Variants in TBRG1 observed in about 807,000 individuals in gnomAD.
TBRG1 encodes the protein nuclear interactor of ARF and MDM2.
TBRG1 carries 31 observed loss-of-function variants against 44.0 expected under a neutral mutation model. The ratio of observed to expected loss-of-function variants is 0.70; its 90% CI spans 0.53 to 0.95. TBRG1 has a LOEUF of 0.95. Ranked by LOEUF, TBRG1 falls within the 40% of genes least tolerant of loss-of-function variation. The pLI, the probability that TBRG1 is intolerant of heterozygous loss-of-function variation, is 0.00. For synonymous variants in TBRG1, 171 were observed against 188.1 expected, an observed-to-expected ratio of 0.91 and a Z score of 0.74; for missense variants, 487 against 496.1, an observed-to-expected ratio of 0.98 and a Z score of 0.18.
At position 124,625,833 on chromosome 11, in the gene TBRG1, T is replaced by A; in HGVS notation, c.384T>A (p.Ala128=). The change falls in exon 3 of 9, where the codon GCT becomes GCA. Residue 128 remains alanine, a synonymous_variant. Coordinates refer to ENST00000441174, the MANE Select transcript of TBRG1 (RefSeq NM_032811.3). ...CTATTTCAGGGCCCAGCACTGGGGC[T>A]GAGGAACCATTTGGGAAGAAAACTA... ...AGPISGPSTG[A]EEPFGKKTKK... 1 of 1,580,300 alleles carries A rather than the reference T, an allele frequency of 6.3e-7. No homozygotes were observed. Among genetic ancestry groups the A allele is most frequent in the Non-Finnish European group, 8.6e-7 (1 of 1,164,330 alleles).
intron 5 of TBRG1, among the ~76,000 whole-genome samples, chr11:124,628,015 G>A (rs1942508974): frequency 6.9e-6 from 1 of 144,478 alleles, no homozygotes; most frequent in Non-Finnish European, 1.5e-5. Context: ...AGGTGTGTGA[G>A]CTAGGAATCT....
chr11:124,630,667 C>G, intron 6 of TBRG1, 78 bp from the exon 7 acceptor site: 1 of 1,138,894 alleles, frequency 8.8e-7, no homozygotes, highest in Non-Finnish European at 1.3e-6. Context: ...CCTGTTTGTT[C>G]ATACCACTAT....
At chr11:124,629,460 A>T (rs1942563508) in intron 5 of TBRG1, among the ~76,000 whole-genome samples, 1 of 152,256 alleles carries the variant, frequency 6.6e-6, no homozygotes. Flanking sequence ...ATTGGTTGAA[A>T]TAAGAAAACC....
intron 5 of TBRG1, among the ~76,000 whole-genome samples, chr11:124,628,122 C>T (rs1428958272): frequency 6.5e-4 from 76 of 117,558 alleles, no homozygotes; most frequent in Admixed American, 8.2e-4. Flanking sequence ...TATATACACA[C>T]ACACACACAC....
chr11:124,629,289 A>G (rs1399749276), intron 5 of TBRG1, among the ~76,000 whole-genome samples: 2 of 152,148 alleles, frequency 1.3e-5, no homozygotes, highest in African/African-American at 2.4e-5. Flanking sequence ...CAGTGAGCCA[A>G]GATCACGCCA....
intron 1 of TBRG1, among the ~76,000 whole-genome samples, chr11:124,624,363 CAAAAAA>C (rs61352898): frequency 0.01 from 876 of 83,612 alleles, 2 homozygotes; most frequent in Non-Finnish European, 0.016. Flanking sequence ...TCATCATTTA[CAAAAAA>C]AAAAAAAAAA....
chr11:124,630,700 T>C lies in TBRG1; in HGVS notation c.837-45T>C, dbSNP rs372772691. ...TATTCTGTTCTTAAATCCATCTTCATCTCCCGCTAAGCTCTCAAACTAAAA... is the reference window on the plus strand; with the variant it reads ...TATTCTGTTCTTAAATCCATCTTCACCTCCCGCTAAGCTCTCAAACTAAAA... On this transcript the variant is annotated intron_variant, in intron 6 of 8. Coordinates refer to ENST00000441174, the MANE Select transcript of TBRG1 (RefSeq NM_032811.3). 9 of 1,372,774 alleles carry C rather than the reference T, an allele frequency of 6.6e-6. No individual in the cohort carries two copies. In the African/African-American group the frequency reaches 1.3e-4, roughly 20 times the overall value. The allele number at this position is 1,372,774 out of a possible 1,614,324, so 85.0% of individuals were successfully genotyped here.
Position 124,625,710 on chromosome 11 carries a change from T to C in TBRG1, c.261T>C (p.Thr87=). 1.9e-6 allele frequency: 3 copies of C among 1,554,166 alleles called. No homozygotes were observed. The highest frequency in any genetic ancestry group is 2.6e-6 in the Non-Finnish European group (3 of 1,148,038). Residue 87 remains threonine (T), a synonymous_variant, in exon 3 of 9, where the codon ACT becomes ACC. Coordinates refer to ENST00000441174, the MANE Select transcript of TBRG1 (RefSeq NM_032811.3). ...AGCTCCTCCAGCTTCAGGCTCTAAC[T>C]GAAGGGGAAGTACAGGCTGCAGCTC... The part of the protein sequence containing the change: ...LKKLLQLQAL[T]EGEVQAAAPS...
Position 124,632,033 on chromosome 11 carries a change from C to A in TBRG1, c.1091-60C>A, listed in dbSNP as rs191255583. ...ATTGAAAGGACATGTATATGTCTGACCAAAACAGTCTGCCCAGACTCCCGA... is the reference window on the plus strand; with the variant it reads ...ATTGAAAGGACATGTATATGTCTGAACAAAACAGTCTGCCCAGACTCCCGA... On this transcript the variant is annotated intron_variant, in intron 8 of 8. Coordinates refer to ENST00000441174, the MANE Select transcript of TBRG1 (RefSeq NM_032811.3). 7.8e-5 allele frequency: 119 copies of A among 1,528,818 alleles called. No individual in the cohort carries two copies. In the African/African-American group the frequency reaches 1.2e-3, roughly 15 times the overall value. The allele number at this position is 1,528,818 out of a possible 1,614,324, so 94.7% of individuals were successfully genotyped here. A position where few individuals can be genotyped will look rare whatever the true frequency, so the allele number is the denominator to read the frequency against.
chr11:124,632,268 T>G lies in TBRG1; in HGVS notation c.*30T>G. On this transcript the variant is annotated 3_prime_UTR_variant, in exon 9 of 9. Transcript: ENST00000441174. ...GAAGGGATCAGATGCCACATCGTTT[T>G]TGTCGTGATTAATTTAACTTAAACT... is the stretch of plus-strand genomic sequence containing the variant. The G allele has an allele frequency of 6.2e-7, 1 of 1,600,352 alleles. No individual in the cohort carries two copies. Among genetic ancestry groups the G allele is most frequent in the Non-Finnish European group, 8.5e-7 (1 of 1,173,202 alleles).
At position 124,626,358 on chromosome 11, in the gene TBRG1, G is replaced by A; in HGVS notation, c.455-115G>A. ...GGCGAAAGCCCCATATGCCCATTCA[G>A]TAAGTATATAAAACCAGGATTGGCT... On this transcript the variant is annotated intron_variant, in intron 3 of 8. Coordinates refer to ENST00000441174, the MANE Select transcript of TBRG1 (RefSeq NM_032811.3). 3 of 970,078 alleles carry A rather than the reference G, an allele frequency of 3.1e-6. No individual in the cohort carries two copies. The Middle Eastern group carries it at 6.6e-4, about 214-fold the overall frequency. The allele number at this position is 970,078 out of a possible 1,614,324, so 60.1% of individuals were successfully genotyped here.
chr11:124,624,872 C>T (rs1269557866), intron 1 of TBRG1, 59 bp from the exon 2 acceptor site: 1 of 1,149,592 alleles, frequency 8.7e-7, no homozygotes, highest in South Asian at 1.4e-5. Context: ...CTCTTCCCAG[C>T]ATAATAATGT....
At chr11:124,624,794 G>C in intron 1 of TBRG1, 137 bp from the exon 2 acceptor site, 1 of 647,072 alleles carries the variant, frequency 1.5e-6, no homozygotes, top group Non-Finnish European at 2.7e-6. Flanking sequence ...TTTATTTATA[G>C]TTTGTCACAC....
chr11:124,628,003 T>C (rs1036786561), intron 5 of TBRG1, among the ~76,000 whole-genome samples: 3 of 147,358 alleles, frequency 2.0e-5, no homozygotes, highest in Non-Finnish European at 4.5e-5. Context: ...GACATTATTT[T>C]TAGGTGTGTG....
At chr11:124,623,267 T>G (rs1188744246) in intron 1 of TBRG1, 34 bp downstream of exon 1, 9 of 1,550,708 alleles carry the variant, frequency 5.8e-6, no homozygotes, top group Non-Finnish European at 7.8e-6. Context: ...GGTCCCCTCC[T>G]GGAGACTCCC....
chr11:124,632,062 G>A, intron 8 of TBRG1, 31 bp from the exon 9 acceptor site: 1 of 1,610,988 alleles, frequency 6.2e-7, no homozygotes, highest in Non-Finnish European at 8.5e-7. Context: ...CTCCCGAGCA[G>A]CAGTGGAACT....
At position 124,635,768 on chromosome 11, in the gene TBRG1, G is replaced by C. The variant is rs1269294269; in HGVS notation, c.*3530G>C. The C allele has an allele frequency of 1.3e-5, 2 of 152,142 alleles. No homozygotes were observed. The highest frequency in any genetic ancestry group is 1.3e-4 in the Admixed American group (2 of 15,268). 9.4% of individuals were successfully genotyped at this position (152,142 alleles called of 1,614,324 possible). On this transcript the variant is annotated 3_prime_UTR_variant, in exon 9 of 9. Transcript: ENST00000441174. Reference sequence around the variant, plus strand: ...TTTTCACATGCTTCAAGGACAGTTTGCAAGTGGATATAAATACATACACAT... The same window carrying C: ...TTTTCACATGCTTCAAGGACAGTTTCCAAGTGGATATAAATACATACACAT...
chr11:124,628,112 T>C (rs1431767271), intron 5 of TBRG1, among the ~76,000 whole-genome samples: 230 of 51,170 alleles, frequency 4.5e-3, no homozygotes, highest in African/African-American at 0.018. Flanking sequence ...TATATATATA[T>C]ATATACACAC....
rs939736956 is a variant in TBRG1, at chr11:124,635,312, G to A, written c.*3074G>A. ...GTTAACTGAACGAGTTGAATGCTAG[G>A]AAGTCCTCAGGGGAGCCAACGTTCC... On this transcript the variant is annotated 3_prime_UTR_variant, in exon 9 of 9. Transcript: ENST00000441174. 3 of 152,184 alleles carry A rather than the reference G, an allele frequency of 2.0e-5. No individual in the cohort carries two copies. Among genetic ancestry groups the A allele is most frequent in the Admixed American group, 2.0e-4 (3 of 15,286 alleles). 9.4% of individuals were successfully genotyped at this position (152,184 alleles called of 1,614,324 possible). A position where few individuals can be genotyped will look rare whatever the true frequency, so the allele number is the denominator to read the frequency against.
Sources: gnomAD v4.1 joint callset for allele counts (sites outside exome capture counted in the v4.1 genomes callset) on GRCh38, gnomAD v4.1.1 for gene constraint, MANE v1.5 for transcripts, NCBI Gene and HGNC (gene_info 2026-07-23, HGNC 2026-07-21) for gene names.